Variants in SLC4A10 observed in about 807,000 individuals in gnomAD.
SLC4A10 encodes sodium-driven chloride bicarbonate exchanger.
Under a neutral mutation model 137.7 loss-of-function variants are expected in SLC4A10, and 42 were observed. The ratio of observed to expected loss-of-function variants is 0.30; its 90% CI spans 0.24 to 0.39. SLC4A10 has a LOEUF of 0.39. Ranked by LOEUF, SLC4A10 falls within the 10% of genes least tolerant of loss-of-function variation. The probability of loss-of-function intolerance (pLI) is 1.00; values close to 1 mark genes in which losing one functional copy is unlikely to be tolerated. For synonymous variants in SLC4A10, 474 were observed against 464.1 expected, an observed-to-expected ratio of 1.02 and a Z score of -0.27; for missense variants, 925 against 1,355.0, an observed-to-expected ratio of 0.68 and a Z score of 4.98.
At chr2:161,637,028 A>C (rs1605868) in intron 1 of SLC4A10, among the ~76,000 whole-genome samples, 1 of 147,922 alleles carries the variant, frequency 6.8e-6, no homozygotes. Context: ...TACATTTTTT[A>C]AAAATTATTT....
chr2:161,974,323 C>A lies in SLC4A10; in HGVS notation c.3227+7C>A, dbSNP rs1286297258. 1.9e-6 allele frequency: 3 copies of A among 1,593,852 alleles called. No individual in the cohort carries two copies. Among genetic ancestry groups the A allele is most frequent in the East Asian group, 2.2e-5 (1 of 44,542 alleles). ...CATTGGAAGGGCACTATAGGTAAGA[C>A]ATAAATTTAAAAACACATCAATTAA... On this transcript the variant is annotated splice_region_variant and intron_variant, in intron 24 of 26. Coordinates refer to ENST00000446997, the MANE Select transcript of SLC4A10 (RefSeq NM_001178015.2).
chr2:161,832,255 G>A (rs1459119720), intron 3 of SLC4A10, among the ~76,000 whole-genome samples: 1 of 152,114 alleles, frequency 6.6e-6, no homozygotes, highest in East Asian at 1.9e-4. Context: ...CTACTATTCT[G>A]TGCATAATAA....
chr2:161,823,583 T>A (rs187282715), intron 3 of SLC4A10, among the ~76,000 whole-genome samples: 10 of 152,294 alleles, frequency 6.6e-5, no homozygotes, highest in Non-Finnish European at 1.2e-4. Flanking sequence ...CAGAGAAAAG[T>A]CATAACATTA....
chr2:161,882,393 T>C lies in SLC4A10; in HGVS notation c.1143T>C (p.Gly381=), dbSNP rs1172992448. 2.5e-6 allele frequency: 4 copies of C among 1,597,110 alleles called. No individual in the cohort carries two copies. In the Admixed American group the frequency reaches 5.1e-5, roughly 21 times the overall value. ...LFILLGPLGK[G]QQYHEIGRSI... is the part of the protein sequence containing the mutation. The stretch of plus-strand genomic sequence containing the variant: ...TTCTTCTGGGACCCCTGGGAAAGGG[T>C]CAACAGTACCATGAGATTGGCAGAT... Residue 381 remains glycine (G), a synonymous_variant, in exon 10 of 27, where the codon GGT becomes GGC. Coordinates refer to ENST00000446997, the MANE Select transcript of SLC4A10 (RefSeq NM_001178015.2).
chr2:161,901,803 T>C (rs1683171204), intron 12 of SLC4A10, among the ~76,000 whole-genome samples: 1 of 152,152 alleles, frequency 6.6e-6, no homozygotes, highest in African/African-American at 2.4e-5. Context: ...AAATGTCCTT[T>C]AATGTCTTCC....
At chr2:161,884,338 A>T (rs1450220713) in intron 10 of SLC4A10, among the ~76,000 whole-genome samples, 2 of 152,182 alleles carry the variant, frequency 1.3e-5, no homozygotes, top group Non-Finnish European at 1.5e-5. Context: ...CATGGGAAGT[A>T]CATGTATATC....
In SLC4A10 at chr2:161,866,271, A is replaced by T. The variant is rs79740999; in HGVS notation, c.766+3209A>T. 1.5e-3 allele frequency among the ~76,000 whole-genome samples: 234 copies of T among 152,160 alleles called. 6 individuals are homozygous for T. The East Asian group carries it at 0.044, about 28-fold the overall frequency. On this transcript the variant is annotated intron_variant, in intron 6 of 26. Transcript: ENST00000446997. ...AAACGGGGTCTTCCCCATTTTAAAG[A>T]TTAGATTAATAAAATAGTGCATTTC... is the stretch of plus-strand genomic sequence containing the variant.
At chr2:161,878,357 T>G (rs1262435464) in intron 8 of SLC4A10, among the ~76,000 whole-genome samples, 1 of 152,180 alleles carries the variant, frequency 6.6e-6, no homozygotes, top group Non-Finnish European at 1.5e-5. Flanking sequence ...ACTGAGGCCC[T>G]ATGCATAAAA....
chr2:161,661,559 A>G (rs937745934), intron 1 of SLC4A10, among the ~76,000 whole-genome samples: 1 of 152,252 alleles, frequency 6.6e-6, no homozygotes, highest in Non-Finnish European at 1.5e-5. Flanking sequence ...TGAGTTTAGA[A>G]ATCTTCAGGA....
intron 1 of SLC4A10, among the ~76,000 whole-genome samples, chr2:161,747,475 A>G (rs1451197801): frequency 6.6e-6 from 1 of 152,066 alleles, no homozygotes; most frequent in Non-Finnish European, 1.5e-5. Flanking sequence ...TGTGCTGTTC[A>G]TTGCCTCTTT....
chr2:161,833,936 C>G (rs2058598436), intron 3 of SLC4A10, among the ~76,000 whole-genome samples: 1 of 152,212 alleles, frequency 6.6e-6, no homozygotes, highest in African/African-American at 2.4e-5. Context: ...CTGAATGTGG[C>G]TTCTGCAGAA....
At chr2:161,912,954 G>A (rs1686210141) in intron 15 of SLC4A10, among the ~76,000 whole-genome samples, 1 of 151,992 alleles carries the variant, frequency 6.6e-6, no homozygotes, top group South Asian at 2.1e-4. Flanking sequence ...TCGCTAAAAC[G>A]ATACCAGAAT....
At chr2:161,970,322 T>C (rs891654497) in intron 23 of SLC4A10, among the ~76,000 whole-genome samples, 1 of 152,222 alleles carries the variant, frequency 6.6e-6, no homozygotes, top group Non-Finnish European at 1.5e-5. Context: ...GTTAGTTTTA[T>C]GTATTGGCTC....
intron 15 of SLC4A10, among the ~76,000 whole-genome samples, chr2:161,918,467 A>G (rs768057233): frequency 5.9e-5 from 9 of 152,140 alleles, no homozygotes; most frequent in Non-Finnish European, 8.8e-5. Flanking sequence ...AGAAGTTTTA[A>G]ATTTCAAATA....
At chr2:161,754,652 T>C (rs1161075528) in intron 1 of SLC4A10, among the ~76,000 whole-genome samples, 1 of 152,186 alleles carries the variant, frequency 6.6e-6, no homozygotes, top group African/African-American at 2.4e-5. Context: ...GTCATTTGTC[T>C]GTCTTTGTTT....
At chr2:161,900,737 A>G (rs756636342) in intron 11 of SLC4A10, among the ~76,000 whole-genome samples, 174 bp from the exon 12 acceptor site, 9 of 152,120 alleles carry the variant, frequency 5.9e-5, no homozygotes, top group Non-Finnish European at 1.2e-4. Flanking sequence ...GGAAGAAACT[A>G]ACACTTTAAA....
intron 1 of SLC4A10, among the ~76,000 whole-genome samples, chr2:161,634,288 GA>G (rs1217099832): frequency 1.3e-5 from 2 of 151,832 alleles, no homozygotes; most frequent in African/African-American, 4.8e-5. Context: ...TAATACTGTA[GA>G]AGTGATGTTC....
At chr2:161,929,306 T>C (rs1689875792) in intron 15 of SLC4A10, among the ~76,000 whole-genome samples, 1 of 152,220 alleles carries the variant, frequency 6.6e-6, no homozygotes, top group Admixed American at 6.5e-5. Context: ...TTATTTGAAT[T>C]CATGACAATG....
intron 1 of SLC4A10, among the ~76,000 whole-genome samples, chr2:161,743,691 A>G (rs1368385924): frequency 6.6e-6 from 1 of 151,454 alleles, no homozygotes; most frequent in Non-Finnish European, 1.5e-5. Context: ...TGGTATTTTG[A>G]TAGGGATTGC....
Sources: allele counts gnomAD v4.1 joint callset (sites outside exome capture counted in the v4.1 genomes callset), GRCh38; gene constraint gnomAD v4.1.1; transcripts MANE v1.5; gene names NCBI Gene and HGNC (gene_info 2026-07-23, HGNC 2026-07-21).